The following IPO9 variants were observed in gnomAD, a reference collection of about 807,000 sequenced individuals.
IPO9 encodes importin-9.
In IPO9, 28 loss-of-function variants were observed where a neutral mutation model predicts 128.6. The ratio of observed to expected loss-of-function variants is 0.22; its 90% CI spans 0.16 to 0.30. IPO9 has a LOEUF of 0.30. Ranked by LOEUF, IPO9 falls within the 10% of genes least tolerant of loss-of-function variation. IPO9 has a pLI of 1.00. For synonymous variants in IPO9, 455 were observed against 475.8 expected, an observed-to-expected ratio of 0.96 and a Z score of 0.57; for missense variants, 935 against 1,293.9, an observed-to-expected ratio of 0.72 and a Z score of 4.26.
chr1:201,857,726 C>T (rs1159765327), intron 11 of IPO9, among the ~76,000 whole-genome samples: 1 of 147,270 alleles, frequency 6.8e-6, no homozygotes, highest in Non-Finnish European at 1.5e-5. Flanking sequence ...ACCCGGGAGG[C>T]GGAGGTTGTG....
intron 13 of IPO9, among the ~76,000 whole-genome samples, chr1:201,862,450 T>G (rs924361984): frequency 6.8e-6 from 1 of 146,100 alleles, no homozygotes; most frequent in Non-Finnish European, 1.5e-5. Flanking sequence ...AGAGCAAGAC[T>G]CCATCTCAAA....
At chr1:201,836,981 GTTACTTGAACT>G (rs1679953467) in intron 1 of IPO9, among the ~76,000 whole-genome samples, 1 of 152,192 alleles carries the variant, frequency 6.6e-6, no homozygotes, top group Non-Finnish European at 1.5e-5. Flanking sequence ...GCAAATATAT[GTTACTTGAACT>G]TTAATGCTGC....
intron 21 of IPO9, 98 bp from the exon 22 acceptor site, chr1:201,874,734 A>G: frequency 1.2e-6 from 1 of 821,624 alleles, no homozygotes; most frequent in Admixed American, 2.0e-5. Flanking sequence ...GCCACATTGC[A>G]GAAGCCTTTG....
intron 1 of IPO9, among the ~76,000 whole-genome samples, chr1:201,838,649 G>A (rs890322274): frequency 5.3e-5 from 8 of 151,868 alleles, no homozygotes; most frequent in Admixed American, 1.3e-4. Flanking sequence ...CTTCTGTGGC[G>A]GTCATGCCAA....
intron 14 of IPO9, among the ~76,000 whole-genome samples, chr1:201,866,143 A>G (rs1291273831): frequency 6.6e-6 from 1 of 152,108 alleles, no homozygotes; most frequent in Non-Finnish European, 1.5e-5. Context: ...AAAATATTAT[A>G]TATATATCCT....
chr1:201,835,779 T>G (rs1416353871), intron 1 of IPO9, among the ~76,000 whole-genome samples: 1 of 152,186 alleles, frequency 6.6e-6, no homozygotes, highest in Non-Finnish European at 1.5e-5. Flanking sequence ...GAGTAAGTTA[T>G]TAGGCTATTC....
chr1:201,829,730 C>A (rs1476133956), intron 1 of IPO9, among the ~76,000 whole-genome samples: 1 of 152,080 alleles, frequency 6.6e-6, no homozygotes, highest in Non-Finnish European at 1.5e-5. Flanking sequence ...CAAAGTCTTT[C>A]GCTGTTCTCT....
At chr1:201,829,495 C>G in intron 1 of IPO9, 123 bp downstream of exon 1, 1 of 1,014,024 alleles carries the variant, frequency 9.9e-7, no homozygotes, top group African/African-American at 1.7e-5. Flanking sequence ...AGAAGTGGAG[C>G]AGGAAGCGAG....
At chr1:201,852,986 T>G in intron 5 of IPO9, 25 bp from the exon 6 acceptor site, 1 of 1,597,516 alleles carries the variant, frequency 6.3e-7, no homozygotes, top group Non-Finnish European at 8.6e-7. Context: ...GTGGCTATGC[T>G]GTTATGCTGT....
chr1:201,833,651 G>A (rs1679877213), intron 1 of IPO9, among the ~76,000 whole-genome samples: 1 of 152,158 alleles, frequency 6.6e-6, no homozygotes, highest in African/African-American at 2.4e-5. Context: ...GGGCTAATTA[G>A]ATAAGGAGAT....
Position 201,849,242 on chromosome 1 carries a change from T to C in IPO9, c.514+648T>C, listed in dbSNP as rs896054385. On this transcript the variant is annotated intron_variant, in intron 4 of 23. Coordinates refer to ENST00000361565, the MANE Select transcript of IPO9 (RefSeq NM_018085.5). The stretch of plus-strand genomic sequence containing the variant: ...TTGATAAAAATACTTCAACTTTTAG[T>C]TCAAAGAGATTTGATGGATATCTCT... 2.1e-4 allele frequency among the ~76,000 whole-genome samples: 32 copies of C among 152,204 alleles called. 1 individual carries two copies. Among genetic ancestry groups the C allele is most frequent in the African/African-American group, 7.5e-4 (31 of 41,462 alleles).
intron 1 of IPO9, among the ~76,000 whole-genome samples, chr1:201,831,885 T>TTTGTTGTTGTTGTTG (rs10646458): frequency 3.9e-4 from 59 of 150,812 alleles, no homozygotes; most frequent in Middle Eastern, 3.4e-3. Flanking sequence ...GTTTTTTGCT[T>TTTGTTGTTGTTGTTG]TTGTTGTTGT....
chr1:201,873,066 G>T (rs1680687996), intron 20 of IPO9, 105 bp downstream of exon 20: 1 of 1,231,874 alleles, frequency 8.1e-7, no homozygotes, highest in African/African-American at 1.5e-5. Context: ...TAAAACAATT[G>T]TTGGTGATGG....
Position 201,873,004 on chromosome 1 carries a change from G to T in IPO9, c.2710+43G>T, listed in dbSNP as rs781010083. On this transcript the variant is annotated intron_variant, in intron 20 of 23. Coordinates refer to ENST00000361565, the MANE Select transcript of IPO9 (RefSeq NM_018085.5). ...TCTTCCAATCCTCTCCCTATACGAA[G>T]GGGCTAAGGATACCTGGGTGAAGGG... 447 of 1,569,748 alleles carry T rather than the reference G, an allele frequency of 2.8e-4. 2 individuals carry two copies. The highest frequency in any genetic ancestry group is 1.4e-4 in the Non-Finnish European group (160 of 1,155,910).
intron 1 of IPO9, among the ~76,000 whole-genome samples, chr1:201,836,949 G>A (rs1276472168): frequency 6.6e-6 from 1 of 152,096 alleles, no homozygotes; most frequent in Non-Finnish European, 1.5e-5. Context: ...GATTTTCTTT[G>A]CCATTATATA....
chr1:201,881,628 C>CCTG lies in IPO9; in HGVS notation c.*5577_*5579dup, dbSNP rs1217464919. 6.6e-6 allele frequency: 1 copy of CCTG among 152,182 alleles called. No individual in the cohort carries two copies. Among genetic ancestry groups the CCTG allele is most frequent in the Non-Finnish European group, 1.5e-5 (1 of 68,034 alleles). 9.4% of individuals were successfully genotyped at this position (152,182 alleles called of 1,614,324 possible). A position where few individuals can be genotyped will look rare whatever the true frequency, so the allele number is the denominator to read the frequency against. On this transcript the variant is annotated 3_prime_UTR_variant, in exon 24 of 24. Coordinates refer to ENST00000361565, the MANE Select transcript of IPO9 (RefSeq NM_018085.5). ...GCAGATTGTGAAGGATCCTTCAAGA[C>CCTG]CTGCTTCCTCTAGAGAATGGGAGAC...
intron 11 of IPO9, among the ~76,000 whole-genome samples, chr1:201,857,562 G>A (rs897854165): frequency 1.1e-4 from 16 of 152,126 alleles, no homozygotes; most frequent in East Asian, 3.8e-4. Flanking sequence ...TGGGGAGGCC[G>A]AGGCGGGCAG....
chr1:201,873,896 G>C (rs753333847), intron 20 of IPO9, among the ~76,000 whole-genome samples: 13 of 152,178 alleles, frequency 8.5e-5, no homozygotes, highest in Non-Finnish European at 1.8e-4. Flanking sequence ...AGGGAGTATA[G>C]AGCTGCTATC....
chr1:201,876,756 A>AG lies in IPO9; in HGVS notation c.*702_*703insG, dbSNP rs1467252035. On this transcript the variant is annotated 3_prime_UTR_variant, in exon 24 of 24. Transcript: ENST00000361565. ...GGCAATTTGATCTTCCTTTTTTAGA[A>AG]AAAAAAAAAAAAATGGGGAAAAGGG... 1.3e-5 allele frequency: 2 copies of AG among 150,526 alleles called. No homozygotes were observed. Among genetic ancestry groups the AG allele is most frequent in the Non-Finnish European group, 3.0e-5 (2 of 67,344 alleles). The allele number at this position is 150,526 out of a possible 1,614,324, so 9.3% of individuals were successfully genotyped here.
Sources: gnomAD v4.1 joint callset for allele counts (sites outside exome capture counted in the v4.1 genomes callset) on GRCh38, gnomAD v4.1.1 for gene constraint, MANE v1.5 for transcripts, NCBI Gene and HGNC (gene_info 2026-07-23, HGNC 2026-07-21) for gene names.